Variants in CDC14A observed in about 807,000 individuals in gnomAD.
The protein encoded by CDC14A is dual specificity protein phosphatase CDC14A.
In CDC14A, 53 loss-of-function variants were observed where a neutral mutation model predicts 74.4. That is an observed-to-expected ratio of 0.71 (90% CI 0.57 to 0.89). The LOEUF (loss-of-function observed/expected upper bound fraction) is 0.89. Ranked by LOEUF, CDC14A falls within the 40% of genes least tolerant of loss-of-function variation. The pLI is 0.00. For missense variants in CDC14A, 646 were observed against 713.7 expected (o/e 0.91, Z 1.08); for synonymous variants, 247 against 258.4 (o/e 0.96, Z 0.43).
chr1:100,434,626 G>A (rs936995480), intron 5 of CDC14A, among the ~76,000 whole-genome samples: 3 of 152,162 alleles, frequency 2.0e-5, no homozygotes, highest in African/African-American at 7.2e-5. Context: ...GCATAGTGAG[G>A]GATAGGATAA....
chr1:100,442,514 A>G (rs1665068740), intron 6 of CDC14A, among the ~76,000 whole-genome samples: 1 of 151,128 alleles, frequency 6.6e-6, no homozygotes, highest in Non-Finnish European at 1.5e-5. Context: ...TCCCTATGAT[A>G]AAAGGAAGAC....
chr1:100,497,198 C>A (rs1647975594), intron 13 of CDC14A, among the ~76,000 whole-genome samples: 1 of 152,066 alleles, frequency 6.6e-6, no homozygotes, highest in Non-Finnish European at 1.5e-5. Context: ...GCTGATTGGA[C>A]CATTAAAGGC....
intron 4 of CDC14A, among the ~76,000 whole-genome samples, chr1:100,398,775 C>G (rs1658884060): frequency 6.6e-6 from 1 of 151,850 alleles, no homozygotes; most frequent in Non-Finnish European, 1.5e-5. Flanking sequence ...AGGCCTTGTT[C>G]CTGGAGTTGA....
rs1490146767 is a variant in CDC14A, at chr1:100,390,717, A to G, written c.217-15A>G. The stretch of plus-strand genomic sequence containing the variant: ...CTCTATGGTTACACTAACTCTTTTT[A>G]TCTCCTCTTTCTAGTCATACAGTTT... On this transcript the variant is annotated splice_polypyrimidine_tract_variant and intron_variant, in intron 3 of 15. Transcript: ENST00000336454. The G allele has an allele frequency of 5.2e-6, 8 of 1,541,902 alleles. No individual in the cohort carries two copies. The highest frequency in any genetic ancestry group is 5.4e-6 in the Non-Finnish European group (6 of 1,115,864).
chr1:100,497,789 C>A (rs994623811), intron 13 of CDC14A, among the ~76,000 whole-genome samples: 1 of 152,180 alleles, frequency 6.6e-6, no homozygotes, highest in African/African-American at 2.4e-5. Context: ...AACTGAGTGA[C>A]TGGATGAGGA....
chr1:100,440,515 TAGA>T (rs1664808026), intron 6 of CDC14A, among the ~76,000 whole-genome samples: 1 of 152,192 alleles, frequency 6.6e-6, no homozygotes, highest in African/African-American at 2.4e-5. Flanking sequence ...GAAGTTAAAC[TAGA>T]AGATTTCTGA....
chr1:100,350,520 C>A (rs1650858089), upstream of CDC14A, among the ~76,000 whole-genome samples: 1 of 152,234 alleles, frequency 6.6e-6, no homozygotes, highest in Admixed American at 6.5e-5. Flanking sequence ...ATTCATTCCT[C>A]ATGATCACAA....
intron 10 of CDC14A, among the ~76,000 whole-genome samples, chr1:100,482,261 A>G (rs1020999443): frequency 6.6e-6 from 1 of 152,146 alleles, no homozygotes; most frequent in Non-Finnish European, 1.5e-5. Context: ...TTGTTCCTAA[A>G]GACTCTTAAA....
chr1:100,449,294 A>G (rs1018566466), intron 7 of CDC14A, among the ~76,000 whole-genome samples: 4 of 152,146 alleles, frequency 2.6e-5, no homozygotes, highest in Non-Finnish European at 5.9e-5. Context: ...TCACATTACT[A>G]TCAGGGTGTA....
chr1:100,363,001 T>C (rs1652977976), intron 2 of CDC14A: 1 of 152,224 alleles, frequency 6.6e-6, no homozygotes, highest in African/African-American at 2.4e-5. Context: ...ACAGGTTTTA[T>C]AGTCTGGCTT....
At position 100,491,696 on chromosome 1, in the gene CDC14A, C is replaced by G. The variant is rs368947761; in HGVS notation, c.1138-3122C>G. Among the ~76,000 whole-genome samples the G allele has an allele frequency of 4.8e-5, 7 of 147,332 alleles. No homozygotes were observed. In the South Asian group the frequency reaches 1.5e-3, roughly 32 times the overall value. On this transcript the variant is annotated intron_variant, in intron 11 of 15. Transcript: ENST00000336454. ...AAGTGATTCTTGTGCCTCAGTCTGCCAAGTAGCTGGGATTACAGGCACGCA... is the reference window on the plus strand; with the variant it reads ...AAGTGATTCTTGTGCCTCAGTCTGCGAAGTAGCTGGGATTACAGGCACGCA...
At chr1:100,484,633 A>T in intron 11 of CDC14A, 182 bp downstream of exon 11, 2 of 1,195,134 alleles carry the variant, frequency 1.7e-6, no homozygotes, top group Non-Finnish European at 2.1e-6. Context: ...CCCTTAAAAA[A>T]AAAAAAGCTA....
chr1:100,422,480 C>A (rs940118595), intron 4 of CDC14A, among the ~76,000 whole-genome samples: 1 of 152,118 alleles, frequency 6.6e-6, no homozygotes, highest in African/African-American at 2.4e-5. Flanking sequence ...GCATTATAAC[C>A]AATTCTGTTA....
chr1:100,493,582 A>G (rs1203364343), intron 11 of CDC14A, among the ~76,000 whole-genome samples: 1 of 152,206 alleles, frequency 6.6e-6, no homozygotes, highest in Non-Finnish European at 1.5e-5. Context: ...TGAGACTCTA[A>G]GAGAATCCTC....
chr1:100,377,672 A>G (rs752839856), intron 3 of CDC14A, 51 bp downstream of exon 3: 1 of 1,388,612 alleles, frequency 7.2e-7, no homozygotes, highest in Non-Finnish European at 1.0e-6. Flanking sequence ...TTTGAACCAT[A>G]GGATCTGCTC....
intron 10 of CDC14A, among the ~76,000 whole-genome samples, chr1:100,468,518 A>C (rs1322331773): frequency 1.3e-5 from 2 of 152,218 alleles, no homozygotes; most frequent in African/African-American, 4.8e-5. Context: ...CTAACTAACT[A>C]AACTGCTAAT....
At chr1:100,383,182 CT>C (rs1028535369) in intron 3 of CDC14A, among the ~76,000 whole-genome samples, 11 of 152,152 alleles carry the variant, frequency 7.2e-5, no homozygotes, top group Non-Finnish European at 1.0e-4. Context: ...GCAAGAACCC[CT>C]TATGCCTGTT....
At chr1:100,468,441 A>C (rs1333734850) in intron 10 of CDC14A, among the ~76,000 whole-genome samples, 1 of 152,060 alleles carries the variant, frequency 6.6e-6, no homozygotes. Context: ...TTAAAGCATA[A>C]TGAGAAAAAA....
At chr1:100,489,786 G>C (rs1161285843) in intron 11 of CDC14A, among the ~76,000 whole-genome samples, 1 of 152,144 alleles carries the variant, frequency 6.6e-6, no homozygotes, top group African/African-American at 2.4e-5. Flanking sequence ...GTCTTCCCTG[G>C]ACTAGGTAGG....
Sources: gnomAD v4.1 joint callset for allele counts (sites outside exome capture counted in the v4.1 genomes callset) on GRCh38, gnomAD v4.1.1 for gene constraint, MANE v1.5 for transcripts, NCBI Gene and HGNC (gene_info 2026-07-23, HGNC 2026-07-21) for gene names.